The following NPAS3 variants were observed in gnomAD, a reference collection of about 807,000 sequenced individuals.
NPAS3 encodes the protein neuronal PAS domain protein 3.
Under a neutral mutation model 73.1 loss-of-function variants are expected in NPAS3, and 14 were observed. That is an observed-to-expected ratio of 0.19 (90% CI 0.13 to 0.30). The LOEUF is 0.30. Ranked by LOEUF, NPAS3 falls within the 10% of genes least tolerant of loss-of-function variation. The pLI, the probability that NPAS3 is intolerant of heterozygous loss-of-function variation, is 1.00. For synonymous variants in NPAS3, 620 were observed against 541.5 expected, an observed-to-expected ratio of 1.14 and a Z score of -2.01; for missense variants, 1,096 against 1,250.0, an observed-to-expected ratio of 0.88 and a Z score of 1.86.
chr14:33,561,965 C>A (rs188785644), intron 5 of NPAS3, among the ~76,000 whole-genome samples: 21 of 152,290 alleles, frequency 1.4e-4, no homozygotes, highest in Middle Eastern at 3.4e-3. Context: ...GCTCTGTATG[C>A]TTAGACTGAT....
intron 2 of NPAS3, among the ~76,000 whole-genome samples, chr14:33,184,979 G>C (rs2045931072): frequency 6.6e-6 from 1 of 152,078 alleles, no homozygotes; most frequent in Admixed American, 6.5e-5. Context: ...CAAATGTCTT[G>C]TGACTGTTAT....
intron 8 of NPAS3, among the ~76,000 whole-genome samples, chr14:33,777,529 C>A: frequency 6.6e-6 from 1 of 150,754 alleles, no homozygotes; most frequent in Non-Finnish European, 1.5e-5. Context: ...AGATTTACTT[C>A]ATATTTCAAT....
intron 7 of NPAS3, among the ~76,000 whole-genome samples, chr14:33,739,923 ACT>A (rs1198437700): frequency 1.3e-5 from 2 of 151,882 alleles, no homozygotes; most frequent in Non-Finnish European, 2.9e-5. Flanking sequence ...CACCTGGAAA[ACT>A]CTTACTCAAC....
chr14:33,004,011 A>C (rs1216410266), intron 1 of NPAS3, among the ~76,000 whole-genome samples: 1 of 152,188 alleles, frequency 6.6e-6, no homozygotes, highest in African/African-American at 2.4e-5. Context: ...CATGTGACTT[A>C]GGGCAAATTA....
At chr14:32,937,421 G>T (rs1487294026), upstream of NPAS3, among the ~76,000 whole-genome samples, 2 of 152,004 alleles carry the variant, frequency 1.3e-5, no homozygotes, top group African/African-American at 4.8e-5. Flanking sequence ...GTCATCTTCG[G>T]GCAGAAACCC....
At chr14:33,212,392 T>C (rs1376024127) in intron 2 of NPAS3, among the ~76,000 whole-genome samples, 5 of 151,968 alleles carry the variant, frequency 3.3e-5, no homozygotes, top group Admixed American at 6.6e-5. Context: ...ATTACTCTAA[T>C]AGGGGGACAC....
intron 3 of NPAS3, among the ~76,000 whole-genome samples, chr14:33,331,244 A>G (rs1001236092): frequency 6.6e-6 from 1 of 152,198 alleles, no homozygotes; most frequent in African/African-American, 2.4e-5. Flanking sequence ...GTGCAAGAAA[A>G]CTTCAACTAT....
chr14:33,443,348 T>G (rs2049338101), intron 4 of NPAS3, among the ~76,000 whole-genome samples: 1 of 152,224 alleles, frequency 6.6e-6, no homozygotes, highest in African/African-American at 2.4e-5. Flanking sequence ...ATCACTGGTT[T>G]CTTTTACAGA....
chr14:33,608,616 T>G (rs1192900445), intron 5 of NPAS3: 1 of 152,216 alleles, frequency 6.6e-6, no homozygotes, highest in African/African-American at 2.4e-5. Flanking sequence ...ACCAATGTAG[T>G]GGGACCCAGT....
chr14:33,365,184 A>C (rs1414834400), intron 3 of NPAS3, among the ~76,000 whole-genome samples: 4 of 54,476 alleles, frequency 7.3e-5, no homozygotes, highest in Admixed American at 3.0e-4. Context: ...CCCAAAAGCC[A>C]CCCACCCCCA....
chr14:33,800,563 G>A lies in NPAS3; in HGVS notation c.2256G>A (p.Ser752=), dbSNP rs184441344. 4,518 of 1,318,088 alleles carry A rather than the reference G, an allele frequency of 3.4e-3. 136 individuals are homozygous for A. The African/African-American group carries it at 0.06, about 17-fold the overall frequency. 81.6% of individuals were successfully genotyped at this position (1,318,088 alleles called of 1,614,324 possible). The change falls in exon 12 of 12, where the codon TCG becomes TCA. Residue 752 remains serine, a synonymous_variant. Coordinates refer to ENST00000356141, the Ensembl canonical transcript of NPAS3. This position sits in a 1 kb window ranked among gnomAD's most constrained non-coding sequence, Gnocchi z 6.5. Reference sequence around the variant, plus strand: ...CCGACCCGCTGTCACCCCCGCTCTCGGCGTCCCCGCGGGACAAGCACCCCG... The same window carrying A: ...CCGACCCGCTGTCACCCCCGCTCTCAGCGTCCCCGCGGGACAAGCACCCCG...
intron 4 of NPAS3, among the ~76,000 whole-genome samples, chr14:33,468,583 C>A (rs2050637264): frequency 6.6e-6 from 1 of 152,146 alleles, no homozygotes; most frequent in South Asian, 2.1e-4. Flanking sequence ...GGCACTAATT[C>A]CAGAGATTCA....
intron 2 of NPAS3, among the ~76,000 whole-genome samples, chr14:33,203,645 C>A (rs1385632112): frequency 6.6e-6 from 1 of 152,178 alleles, no homozygotes; most frequent in Non-Finnish European, 1.5e-5. Context: ...CTACAAAGGA[C>A]ATGAACTCAT....
chr14:33,121,287 C>A (rs955461119), intron 2 of NPAS3, among the ~76,000 whole-genome samples: 1 of 152,158 alleles, frequency 6.6e-6, no homozygotes, highest in African/African-American at 2.4e-5. Context: ...ACTTGACGAA[C>A]CAGTTCCTAC....
intron 6 of NPAS3, among the ~76,000 whole-genome samples, chr14:33,718,782 T>A (rs992098846): frequency 6.6e-6 from 1 of 152,078 alleles, no homozygotes; most frequent in Non-Finnish European, 1.5e-5. Context: ...ATTACGCCCT[T>A]CGTAGGGAAA....
intron 3 of NPAS3, among the ~76,000 whole-genome samples, chr14:33,275,223 A>G (rs1875288): frequency 0.74 from 112,492 of 152,122 alleles, 42,142 homozygotes; most frequent in African/African-American, 0.78. Context: ...TTATGTGCCC[A>G]CCAGCATGTT....
At chr14:33,483,945 A>G (rs1051999326) in intron 4 of NPAS3, among the ~76,000 whole-genome samples, 12 of 152,162 alleles carry the variant, frequency 7.9e-5, no homozygotes, top group African/African-American at 2.2e-4. Flanking sequence ...CATTTTTCCA[A>G]ATTCCACTAT....
At chr14:33,801,195 T>G, downstream of NPAS3, 2 of 1,509,208 alleles carry the variant, frequency 1.3e-6, no homozygotes, top group Non-Finnish European at 1.8e-6. Flanking sequence ...TCTAGCACTT[T>G]GAATTCGAGC....
intron 10 of NPAS3, 149 bp downstream of exon 10, chr14:33,794,193 C>T (rs2063445948): frequency 1.5e-6 from 1 of 677,778 alleles, no homozygotes; most frequent in South Asian, 1.9e-5. Flanking sequence ...GTTCTTTCCA[C>T]AAGATTCAAA....
Sources: allele counts gnomAD v4.1 joint callset (sites outside exome capture counted in the v4.1 genomes callset), GRCh38; gene constraint gnomAD v4.1.1; non-coding constraint Gnocchi (gnomAD v3.1); transcripts MANE v1.5; gene names NCBI Gene and HGNC (gene_info 2026-07-23, HGNC 2026-07-21).